EFNA5: variants seen among roughly 807,000 people sequenced by gnomAD.
EFNA5 encodes ephrin-A5.
EFNA5 carries 5 observed loss-of-function variants against 22.9 expected under a neutral mutation model. The ratio of observed to expected loss-of-function variants is 0.22; its 90% CI spans 0.11 to 0.46. The LOEUF is 0.46. Ranked by LOEUF, EFNA5 falls within the 20% of genes least tolerant of loss-of-function variation. The probability of loss-of-function intolerance (pLI) is 0.99; values close to 1 mark genes in which losing one functional copy is unlikely to be tolerated. For missense variants in EFNA5, 237 were observed against 293.3 expected (o/e 0.81, Z 1.40); for synonymous variants, 113 against 112.2 (o/e 1.01, Z -0.04).
rs768930601 is a variant in EFNA5 at position 107,670,803 on chromosome 5, AAAG to A, written c.-193_-191del. ...GGGGAGGGGTAGGAGAGCGAGAAGA[AAAG>A]AAGGCGGTGGGATGGGGGGTGATAA... On this transcript the variant is annotated 5_prime_UTR_variant, in exon 1 of 5. Coordinates refer to ENST00000333274, the MANE Select transcript of EFNA5 (RefSeq NM_001962.3). The A allele has an allele frequency of 2.6e-5, 19 of 718,008 alleles. No individual in the cohort carries two copies. The highest frequency in any genetic ancestry group is 1.6e-4 in the South Asian group (8 of 51,196). The allele number at this position is 718,008 out of a possible 1,614,324, so 44.5% of individuals were successfully genotyped here. A position where few individuals can be genotyped will look rare whatever the true frequency, so the allele number is the denominator to read the frequency against.
intron 1 of EFNA5, among the ~76,000 whole-genome samples, chr5:107,655,448 A>C (rs2112556097): frequency 6.6e-6 from 1 of 152,280 alleles, no homozygotes; most frequent in Non-Finnish European, 1.5e-5. Context: ...TGCAGAGTTC[A>C]CAGTGTTCTT....
At chr5:107,466,298 T>C (rs1455372795) in intron 1 of EFNA5, among the ~76,000 whole-genome samples, 2 of 152,164 alleles carry the variant, frequency 1.3e-5, no homozygotes, top group African/African-American at 4.8e-5. Flanking sequence ...TATTAAATGC[T>C]GAGTCATTGC....
At chr5:107,623,946 A>G (rs1324199376) in intron 1 of EFNA5, among the ~76,000 whole-genome samples, 2 of 152,098 alleles carry the variant, frequency 1.3e-5, no homozygotes, top group Admixed American at 1.3e-4. Context: ...AAACTAAAGA[A>G]AGGTAGAATT....
At chr5:107,549,111 T>G (rs1287618829) in intron 1 of EFNA5, among the ~76,000 whole-genome samples, 1 of 152,212 alleles carries the variant, frequency 6.6e-6, no homozygotes, top group African/African-American at 2.4e-5. Context: ...ATTCAAAGTA[T>G]GCCAAGAATG....
chr5:107,548,462 G>A (rs1452762596), intron 1 of EFNA5, among the ~76,000 whole-genome samples: 1 of 152,138 alleles, frequency 6.6e-6, no homozygotes, highest in African/African-American at 2.4e-5. Flanking sequence ...TAAAAATAAA[G>A]GAATGCTGTA....
At chr5:107,447,850 T>C (rs1749436892) in intron 1 of EFNA5, among the ~76,000 whole-genome samples, 1 of 152,074 alleles carries the variant, frequency 6.6e-6, no homozygotes, top group Non-Finnish European at 1.5e-5. Flanking sequence ...TTTTTTTCTT[T>C]TTATTTCCCC....
At chr5:107,386,569 C>T (rs1246551470) in intron 4 of EFNA5, among the ~76,000 whole-genome samples, 1 of 152,030 alleles carries the variant, frequency 6.6e-6, no homozygotes, top group Non-Finnish European at 1.5e-5. Context: ...TTTATTTATC[C>T]TTAAAACTTA....
At chr5:107,547,074 C>T (rs776453776) in intron 1 of EFNA5, among the ~76,000 whole-genome samples, 1 of 152,172 alleles carries the variant, frequency 6.6e-6, no homozygotes, top group Non-Finnish European at 1.5e-5. Context: ...CAAGCAACCA[C>T]CAGTGGACTG....
intron 1 of EFNA5, among the ~76,000 whole-genome samples, chr5:107,573,791 G>A (rs1056741436): frequency 2.0e-5 from 3 of 152,098 alleles, no homozygotes; most frequent in Admixed American, 6.6e-5. Context: ...GGGGGAGAAC[G>A]GAACAGTTTT....
chr5:107,653,896 T>G (rs925080593), intron 1 of EFNA5, among the ~76,000 whole-genome samples: 3 of 152,154 alleles, frequency 2.0e-5, no homozygotes, highest in African/African-American at 7.2e-5. Flanking sequence ...GTTTGCCTAC[T>G]CTGCCCAGAA....
chr5:107,558,589 C>T (rs564766062), intron 1 of EFNA5, among the ~76,000 whole-genome samples: 3 of 152,162 alleles, frequency 2.0e-5, no homozygotes, highest in Middle Eastern at 3.4e-3. Context: ...GATTTGAAGC[C>T]ACTCAAGAAA....
At chr5:107,567,844 A>G (rs1314722091) in intron 1 of EFNA5, among the ~76,000 whole-genome samples, 1 of 152,232 alleles carries the variant, frequency 6.6e-6, no homozygotes, top group Admixed American at 6.5e-5. Context: ...GTGGCTGGGA[A>G]TGAAGAATGT....
chr5:107,620,342 C>CT (rs1306232452), intron 1 of EFNA5, among the ~76,000 whole-genome samples: 4 of 152,222 alleles, frequency 2.6e-5, no homozygotes, highest in African/African-American at 9.6e-5. Context: ...ACCAAATACT[C>CT]TAACTTACTT....
chr5:107,596,779 C>G (rs1387510374), intron 1 of EFNA5, among the ~76,000 whole-genome samples: 2 of 151,816 alleles, frequency 1.3e-5, no homozygotes, highest in African/African-American at 4.8e-5. Context: ...CCAAAGTAGA[C>G]ATGAGGAAAA....
At chr5:107,459,572 G>C (rs897361278) in intron 1 of EFNA5, among the ~76,000 whole-genome samples, 13 of 152,260 alleles carry the variant, frequency 8.5e-5, no homozygotes, top group Middle Eastern at 3.4e-3. Context: ...GCTCAGAGTA[G>C]AGTGAATTCC....
At chr5:107,623,115 C>A (rs1750073896) in intron 1 of EFNA5, among the ~76,000 whole-genome samples, 1 of 146,512 alleles carries the variant, frequency 6.8e-6, no homozygotes, top group African/African-American at 2.5e-5. Context: ...GCAGTCCTAA[C>A]CATCACACAG....
intron 1 of EFNA5, among the ~76,000 whole-genome samples, chr5:107,615,698 A>T (rs1333017732): frequency 6.6e-6 from 1 of 152,164 alleles, no homozygotes; most frequent in Admixed American, 6.5e-5. Context: ...TGCACTCTAA[A>T]AGCTTGCTTC....
chr5:107,521,260 A>AGTATGTAT (rs939636518), intron 1 of EFNA5, among the ~76,000 whole-genome samples: 1 of 151,752 alleles, frequency 6.6e-6, no homozygotes, highest in South Asian at 2.1e-4. Flanking sequence ...TAAACTTTAG[A>AGTATGTAT]GTATGTATGT....
chr5:107,483,094 T>G (rs1459212911), intron 1 of EFNA5, among the ~76,000 whole-genome samples: 2 of 152,176 alleles, frequency 1.3e-5, no homozygotes, highest in Admixed American at 6.5e-5. Flanking sequence ...ATCTTCTTTA[T>G]GTAATAGTGT....
Sources: gnomAD v4.1 joint callset for allele counts (sites outside exome capture counted in the v4.1 genomes callset) on GRCh38, gnomAD v4.1.1 for gene constraint, MANE v1.5 for transcripts, NCBI Gene and HGNC (gene_info 2026-07-23, HGNC 2026-07-21) for gene names.